The following KIT variants were observed in gnomAD, a reference collection of about 807,000 sequenced individuals.
The protein encoded by KIT is KIT proto-oncogene, receptor tyrosine kinase.
Under a neutral mutation model 105.7 loss-of-function variants are expected in KIT, and 16 were observed. The ratio of observed to expected loss-of-function variants is 0.15; its 90% CI spans 0.10 to 0.23. The LOEUF (loss-of-function observed/expected upper bound fraction) is 0.23. Ranked by LOEUF, KIT falls within the 10% of genes least tolerant of loss-of-function variation. The probability of loss-of-function intolerance (pLI) is 1.00; values close to 1 mark genes in which losing one functional copy is unlikely to be tolerated. For synonymous variants in KIT, 438 were observed against 441.1 expected (o/e 0.99, Z 0.09); for missense variants, 858 against 1,213.8 (o/e 0.71, Z 4.36).
chr4:54,669,705 GAAA>G (rs10603436), intron 1 of KIT, among the ~76,000 whole-genome samples: 159 of 132,742 alleles, frequency 1.2e-3, no homozygotes, highest in African/African-American at 2.2e-3. Flanking sequence ...GTCCAGAAAG[GAAA>G]AAAAAAAAAA....
Position 54,693,762 on chromosome 4 carries a change from C to T in KIT, c.68-1750C>T, listed in dbSNP as rs1042842893. Reference sequence around the variant, plus strand: ...CCATTCTGCAAGAGGTGACTGGGGGCCCCAGGGAATCTTGTTATCACACTG... The same window carrying T: ...CCATTCTGCAAGAGGTGACTGGGGGTCCCAGGGAATCTTGTTATCACACTG... On this transcript the variant is annotated intron_variant, in intron 1 of 20. Transcript: ENST00000288135. 2.6e-5 allele frequency among the ~76,000 whole-genome samples: 4 copies of T among 152,158 alleles called. No homozygotes were observed. In the South Asian group the frequency reaches 8.3e-4, roughly 32 times the overall value.
At chr4:54,670,999 G>A (rs1340135832) in intron 1 of KIT, among the ~76,000 whole-genome samples, 9 of 151,832 alleles carry the variant, frequency 5.9e-5, no homozygotes, top group African/African-American at 1.2e-4. Flanking sequence ...AATAACTGTC[G>A]GTCTGTTTGA....
chr4:54,708,593 C>T (rs1199252320), intron 6 of KIT, among the ~76,000 whole-genome samples: 1 of 152,146 alleles, frequency 6.6e-6, no homozygotes, highest in African/African-American at 2.4e-5. Flanking sequence ...ATGAAAGTAG[C>T]TCTGTAGAGG....
At chr4:54,733,346 A>G (rs1722722968) in intron 17 of KIT, 154 bp downstream of exon 17, 3 of 736,024 alleles carry the variant, frequency 4.1e-6, no homozygotes, top group South Asian at 1.6e-5. Context: ...CAAAATTTGC[A>G]TGGTATGCTG....
chr4:54,706,512 C>G (rs1720798776), intron 5 of KIT, among the ~76,000 whole-genome samples: 1 of 151,940 alleles, frequency 6.6e-6, no homozygotes, highest in Non-Finnish European at 1.5e-5. Context: ...TGTTTTTCTT[C>G]TGTTGCTTCT....
In KIT at chr4:54,738,991, G is replaced by A; in HGVS notation, c.*434G>A. 2.0e-6 allele frequency: 1 copy of A among 493,920 alleles called. No homozygotes were observed. The highest frequency in any genetic ancestry group is 3.5e-6 in the Non-Finnish European group (1 of 283,346). The allele number at this position is 493,920 out of a possible 1,614,324, so 30.6% of individuals were successfully genotyped here. ...AGCTGAAAACCTAAGTCCTTTATGT[G>A]GAAAACAGAACATCATTAGAACAAA... On this transcript the variant is annotated 3_prime_UTR_variant, in exon 21 of 21. Transcript: ENST00000288135.
chr4:54,667,611 C>T lies in KIT; in HGVS notation c.67+9530C>T, dbSNP rs535208733. ...AGGAAAAGCAAAGGTTAGAGTTAGC[C>T]GGAAGGCTCTGCTCCCGCCGACAGA... On this transcript the variant is annotated intron_variant, in intron 1 of 20. Transcript: ENST00000288135. 5.3e-5 allele frequency among the ~76,000 whole-genome samples: 8 copies of T among 152,202 alleles called. No homozygotes were observed. In the South Asian group the frequency reaches 8.3e-4, roughly 16 times the overall value.
At chr4:54,695,826 T>C (rs563841738) in intron 2 of KIT, 45 bp downstream of exon 2, 1 of 1,610,404 alleles carries the variant, frequency 6.2e-7, no homozygotes, top group Admixed American at 1.7e-5. Context: ...AAGAATTTAA[T>C]ATCCTGCTCT....
Position 54,698,018 on chromosome 4 carries a change from A to G in KIT, c.338-266A>G, listed in dbSNP as rs3111792. Among the ~76,000 whole-genome samples, 143,665 of 152,252 alleles carry G rather than the reference A, an allele frequency of 0.94. 68,337 individuals are homozygous for G. Among genetic ancestry groups the G allele is most frequent in the East Asian group, 1 (5,169 of 5,172 alleles). ...GTTTCATCTATGAAATGGCAATAAT[A>G]ATAGTACTGATCATGGGAGGGGCAA... is the stretch of plus-strand genomic sequence containing the variant. On this transcript the variant is annotated intron_variant, in intron 2 of 20. Coordinates refer to ENST00000288135, the MANE Select transcript of KIT (RefSeq NM_000222.3).
In KIT at chr4:54,681,802, G is replaced by A. The variant is rs568253198; in HGVS notation, c.68-13710G>A. On this transcript the variant is annotated intron_variant, in intron 1 of 20. Coordinates refer to ENST00000288135, the MANE Select transcript of KIT (RefSeq NM_000222.3). ...CACCTGTAATCCTAGCACTTTGAGAGGCCAAGTCGGGTGGATCACCTGAGG... is the reference window on the plus strand; with the variant it reads ...CACCTGTAATCCTAGCACTTTGAGAAGCCAAGTCGGGTGGATCACCTGAGG... 5.9e-5 allele frequency among the ~76,000 whole-genome samples: 9 copies of A among 152,128 alleles called. No homozygotes were observed. The South Asian group carries it at 1.9e-3, about 32-fold the overall frequency.
chr4:54,695,405 T>C, intron 1 of KIT, 107 bp from the exon 2 acceptor site: 1 of 1,186,128 alleles, frequency 8.4e-7, no homozygotes, highest in Admixed American at 1.9e-5. Context: ...AGCTTTGTCC[T>C]ATTTTTATTG....
At chr4:54,699,317 G>A (rs1481434397) in intron 3 of KIT, among the ~76,000 whole-genome samples, 2 of 152,090 alleles carry the variant, frequency 1.3e-5, no homozygotes, top group Admixed American at 1.3e-4. Context: ...ACACCATCAA[G>A]GTTGTCTGAA....
chr4:54,736,425 T>C (rs1722925820), intron 17 of KIT, 73 bp from the exon 18 acceptor site: 1 of 1,139,754 alleles, frequency 8.8e-7, no homozygotes, highest in Admixed American at 1.7e-5. Context: ...GCAGCATCTA[T>C]AAGAATATCT....
chr4:54,690,726 T>C (rs1239544090), intron 1 of KIT, among the ~76,000 whole-genome samples: 1 of 152,216 alleles, frequency 6.6e-6, no homozygotes, highest in Admixed American at 6.5e-5. Flanking sequence ...CATTTCAAAA[T>C]TTGGAATTTC....
chr4:54,684,466 CATCCCTCTGGCT>C (rs1719171063), intron 1 of KIT, among the ~76,000 whole-genome samples: 1 of 152,150 alleles, frequency 6.6e-6, no homozygotes, highest in East Asian at 1.9e-4. Flanking sequence ...CCCTTCTAGT[CATCCCTCTGGCT>C]ATCCCTCCCC....
chr4:54,740,617 G>C lies in KIT; in HGVS notation c.*2060G>C, dbSNP rs1479709732. 3 of 232,750 alleles carry C rather than the reference G, an allele frequency of 1.3e-5. No individual in the cohort carries two copies. The highest frequency in any genetic ancestry group is 6.6e-5 in the African/African-American group (3 of 45,264). 14.4% of individuals were successfully genotyped at this position (232,750 alleles called of 1,614,324 possible). ...ATGTGTAAATACATAAGCGGCGTAA[G>C]TTTAAAGGATGTTGGTGTTCCACGT... On this transcript the variant is annotated 3_prime_UTR_variant, in exon 21 of 21. Coordinates refer to ENST00000288135, the MANE Select transcript of KIT (RefSeq NM_000222.3).
At chr4:54,665,248 C>G (rs1717604716) in intron 1 of KIT, among the ~76,000 whole-genome samples, 1 of 152,126 alleles carries the variant, frequency 6.6e-6, no homozygotes, top group African/African-American at 2.4e-5. Context: ...AAAAATATTC[C>G]ATTGTATGTA....
chr4:54,723,550 A>G (rs1311034305), intron 7 of KIT, 34 bp from the exon 8 acceptor site: 1 of 1,397,276 alleles, frequency 7.2e-7, no homozygotes, highest in Non-Finnish European at 1.0e-6. Context: ...GTTTTCCAGC[A>G]CTCTGACATA....
intron 1 of KIT, among the ~76,000 whole-genome samples, chr4:54,667,650 G>A (rs1438210938): frequency 1.3e-5 from 2 of 152,226 alleles, no homozygotes; most frequent in Non-Finnish European, 2.9e-5. Flanking sequence ...TCTGTAGAGA[G>A]TAGCGGAAGA....
Sources: gnomAD v4.1 joint callset for allele counts (sites outside exome capture counted in the v4.1 genomes callset) on GRCh38, gnomAD v4.1.1 for gene constraint, MANE v1.5 for transcripts, NCBI Gene and HGNC (gene_info 2026-07-23, HGNC 2026-07-21) for gene names.